Variants in CDCP1 observed in about 807,000 individuals in gnomAD.
CDCP1 encodes the protein CUB domain-containing protein 1.
CDCP1 carries 29 observed loss-of-function variants against 60.2 expected under a neutral mutation model. That is an observed-to-expected ratio of 0.48 (90% CI 0.36 to 0.66). The LOEUF is 0.66. Ranked by LOEUF, CDCP1 falls within the 30% of genes least tolerant of loss-of-function variation. CDCP1 has a pLI of 0.00. For synonymous variants in CDCP1, 387 were observed against 431.1 expected, an observed-to-expected ratio of 0.90 and a Z score of 1.27; for missense variants, 876 against 1,074.3, an observed-to-expected ratio of 0.82 and a Z score of 2.58.
chr3:45,143,264 T>A lies in CDCP1; in HGVS notation c.82+2942A>T, dbSNP rs1267628696. ...GCTGAAGAACACATTCTTAGATACA[T>A]CAAAATGGGATAATCCAGTTGATAC... On this transcript the variant is annotated intron_variant, in intron 1 of 8. Transcript: ENST00000296129. Among the ~76,000 whole-genome samples the A allele has an allele frequency of 3.3e-5, 5 of 152,136 alleles. No individual in the cohort carries two copies. In the East Asian group the frequency reaches 9.6e-4, roughly 29 times the overall value.
At chr3:45,116,468 T>C (rs894394998) in intron 2 of CDCP1, among the ~76,000 whole-genome samples, 8 of 152,078 alleles carry the variant, frequency 5.3e-5, no homozygotes, top group Non-Finnish European at 1.0e-4. Flanking sequence ...TGTAGTTTTT[T>C]CCTCTCTAAC....
At chr3:45,108,023 C>T (rs1052403416) in intron 4 of CDCP1, among the ~76,000 whole-genome samples, 5 of 151,872 alleles carry the variant, frequency 3.3e-5, no homozygotes, top group African/African-American at 9.7e-5. Context: ...GAAGCTGAGG[C>T]AGGAGAATCG....
At chr3:45,107,668 C>T (rs1415207770) in intron 4 of CDCP1, among the ~76,000 whole-genome samples, 1 of 152,176 alleles carries the variant, frequency 6.6e-6, no homozygotes, top group Non-Finnish European at 1.5e-5. Flanking sequence ...AGATGAGCAA[C>T]TGGGTCACAA....
rs1032450484 is a variant in CDCP1, at chr3:45,091,733, A to G, written c.1628-195T>C. Reference sequence around the variant, plus strand: ...AGCTATATGTCTGCTGAGCCTTGAAATGTGCCCAGCATGACCAAAGAACTG... The same window carrying G: ...AGCTATATGTCTGCTGAGCCTTGAAGTGTGCCCAGCATGACCAAAGAACTG... On this transcript the variant is annotated intron_variant, in intron 6 of 8. Transcript: ENST00000296129. This position sits in a 1 kb window ranked among gnomAD's most constrained non-coding sequence, Gnocchi z 4.8. 6.6e-6 allele frequency among the ~76,000 whole-genome samples: 1 copy of G among 152,240 alleles called. No individual in the cohort carries two copies. Among genetic ancestry groups the G allele is most frequent in the African/African-American group, 2.4e-5 (1 of 41,462 alleles).
Position 45,105,551 on chromosome 3 carries a change from T to C in CDCP1, c.1024+4922A>G, listed in dbSNP as rs999939647. Among the ~76,000 whole-genome samples, 13 of 152,228 alleles carry C rather than the reference T, an allele frequency of 8.5e-5. No individual in the cohort carries two copies. In the South Asian group the frequency reaches 2.1e-3, roughly 24 times the overall value. On this transcript the variant is annotated intron_variant, in intron 4 of 8. Transcript: ENST00000296129. ...CATGATCACCCAGAAGCCCATGGGT[T>C]TTGAAGATAATAGTTTGTTTGGTAT...
chr3:45,099,147 CT>C (rs1698450716), intron 4 of CDCP1, among the ~76,000 whole-genome samples: 2 of 144,912 alleles, frequency 1.4e-5, no homozygotes, highest in Non-Finnish European at 1.5e-5. Flanking sequence ...TTAATTTTTA[CT>C]TTCTTTTTAG....
At position 45,107,227 on chromosome 3, in the gene CDCP1, G is replaced by T. The variant is rs1197507571; in HGVS notation, c.1024+3246C>A. ...TTCCTTTCTTTCTTTTTTTTTTTGA[G>T]ATGGAGTCTTGCTGTGTTGCCCAGG... is the stretch of plus-strand genomic sequence containing the variant. On this transcript the variant is annotated intron_variant, in intron 4 of 8. Transcript: ENST00000296129. Among the ~76,000 whole-genome samples, 8 of 150,242 alleles carry T rather than the reference G, an allele frequency of 5.3e-5. No individual in the cohort carries two copies. In the East Asian group the frequency reaches 1.6e-3, roughly 29 times the overall value.
rs200335142 is a variant in CDCP1 at position 45,089,158 on chromosome 3, A to G, written c.1994-17T>C. The G allele has an allele frequency of 2.9e-5, 47 of 1,609,214 alleles. No homozygotes were observed. The African/African-American group carries it at 3.9e-4, about 13-fold the overall frequency. ...CAGTCAAGTCTGTGAGCAGAGACAT[A>G]AAGAGACAGATGAAGAGGCAGCTGG... On this transcript the variant is annotated splice_polypyrimidine_tract_variant and intron_variant, in intron 7 of 8. Transcript: ENST00000296129.
intron 2 of CDCP1, among the ~76,000 whole-genome samples, chr3:45,117,392 CTT>C (rs1307193014): frequency 6.6e-6 from 1 of 152,172 alleles, no homozygotes; most frequent in Non-Finnish European, 1.5e-5. Context: ...TCACAACTCT[CTT>C]GTTTGGTACA....
At chr3:45,124,274 A>G (rs1481531737) in intron 1 of CDCP1, among the ~76,000 whole-genome samples, 2 of 152,208 alleles carry the variant, frequency 1.3e-5, no homozygotes, top group Admixed American at 6.5e-5. Flanking sequence ...TTTCTCCCAG[A>G]TCTGTCAAAT....
At chr3:45,143,801 T>G (rs1043084614) in intron 1 of CDCP1, among the ~76,000 whole-genome samples, 30 of 152,182 alleles carry the variant, frequency 2.0e-4, no homozygotes, top group African/African-American at 7.2e-4. Flanking sequence ...CTAACAGGTC[T>G]GACTCCAAGT....
chr3:45,107,335 T>C (rs1698583302), intron 4 of CDCP1, among the ~76,000 whole-genome samples: 1 of 151,970 alleles, frequency 6.6e-6, no homozygotes, highest in Admixed American at 6.6e-5. Context: ...GCCTCCTGAG[T>C]AGCTGGGACT....
At chr3:45,133,908 C>T (rs1438259104) in intron 1 of CDCP1, among the ~76,000 whole-genome samples, 1 of 152,126 alleles carries the variant, frequency 6.6e-6, no homozygotes. Flanking sequence ...TCCTCACCAC[C>T]TCCGTCACTG....
intron 4 of CDCP1, among the ~76,000 whole-genome samples, chr3:45,096,019 A>G (rs1698391161): frequency 6.6e-6 from 1 of 152,226 alleles, no homozygotes; most frequent in African/African-American, 2.4e-5. Flanking sequence ...AAGTTAAAAC[A>G]AAGTGTTACT....
Position 45,110,417 on chromosome 3 carries a change from C to T in CDCP1, c.1024+56G>A, listed in dbSNP as rs764571135. Reference sequence around the variant, plus strand: ...GGGAGCCTCACCCAGGCAGACTACCCAGGAAACAACGAAGGTGCTGGAGGA... The same window carrying T: ...GGGAGCCTCACCCAGGCAGACTACCTAGGAAACAACGAAGGTGCTGGAGGA... On this transcript the variant is annotated intron_variant, in intron 4 of 8. Transcript: ENST00000296129. 12 of 1,589,336 alleles carry T rather than the reference C, an allele frequency of 7.6e-6. No individual in the cohort carries two copies. In the Admixed American group the frequency reaches 1.0e-4, roughly 14 times the overall value.
Position 45,084,922 on chromosome 3 carries a change from C to T in CDCP1, c.*716G>A, listed in dbSNP as rs745513614. 2 of 152,624 alleles carry T rather than the reference C, an allele frequency of 1.3e-5. No individual in the cohort carries two copies. Among genetic ancestry groups the T allele is most frequent in the Admixed American group, 6.5e-5 (1 of 15,286 alleles). The allele number at this position is 152,624 out of a possible 1,614,324, so 9.5% of individuals were successfully genotyped here. A position where few individuals can be genotyped will look rare whatever the true frequency, so the allele number is the denominator to read the frequency against. On this transcript the variant is annotated 3_prime_UTR_variant, in exon 9 of 9. Coordinates refer to ENST00000296129, the MANE Select transcript of CDCP1 (RefSeq NM_022842.5). The stretch of plus-strand genomic sequence containing the variant: ...GGACAATGGGATTCAAGATGAATTT[C>T]CACAATGGGATAACCACGAACCGAC...
intron 1 of CDCP1, among the ~76,000 whole-genome samples, chr3:45,141,608 G>C (rs904961137): frequency 6.6e-6 from 1 of 152,168 alleles, no homozygotes; most frequent in Non-Finnish European, 1.5e-5. Context: ...AAATGTGTTG[G>C]CTATTACAAG....
At chr3:45,103,337 G>A (rs543165163) in intron 4 of CDCP1, among the ~76,000 whole-genome samples, 5 of 152,208 alleles carry the variant, frequency 3.3e-5, no homozygotes, top group Middle Eastern at 3.4e-3. Context: ...TATTATTCCT[G>A]AGTAGTACTC....
At chr3:45,090,570 C>G (rs1576076237) in intron 7 of CDCP1, among the ~76,000 whole-genome samples, 1 of 152,104 alleles carries the variant, frequency 6.6e-6, no homozygotes, top group East Asian at 1.9e-4. Flanking sequence ...TGAGGAAGAT[C>G]ATAGGTGTGA....
Sources: gnomAD v4.1 joint callset for allele counts (sites outside exome capture counted in the v4.1 genomes callset) on GRCh38, gnomAD v4.1.1 for gene constraint, Gnocchi (gnomAD v3.1) non-coding constraint, MANE v1.5 for transcripts, NCBI Gene and HGNC (gene_info 2026-07-23, HGNC 2026-07-21) for gene names.